Variants in SCAP observed in about 807,000 individuals in gnomAD.
SCAP encodes sterol regulatory element-binding protein cleavage-activating protein.
A neutral mutation model predicts 123.6 loss-of-function variants in SCAP; 65 were observed. The observed-to-expected ratio is 0.53, with a 90% CI of 0.43 to 0.65. The LOEUF (loss-of-function observed/expected upper bound fraction) is 0.65. SCAP is among the 30% of genes least tolerant of loss of function. SCAP has a pLI of 0.00. For synonymous variants in SCAP, 740 were observed against 726.3 expected (o/e 1.02, Z -0.30); for missense variants, 1,398 against 1,712.5 (o/e 0.82, Z 3.24).
At chr3:47,441,132 C>T (rs1706789333) in intron 2 of SCAP, among the ~76,000 whole-genome samples, 1 of 152,024 alleles carries the variant, frequency 6.6e-6, no homozygotes. Flanking sequence ...GATCGCCTGA[C>T]CTCGTGATCT....
At chr3:47,431,430 T>TGA (rs1179171084) in intron 3 of SCAP, among the ~76,000 whole-genome samples, 2 of 151,550 alleles carry the variant, frequency 1.3e-5, no homozygotes, top group African/African-American at 4.8e-5. Context: ...ATTCAGGTTT[T>TGA]CTAAGTTTTT....
In SCAP at chr3:47,427,029, A is replaced by G. The variant is rs1706163245; in HGVS notation, c.737+128T>C. The G allele has an allele frequency of 4.3e-6, 3 of 694,444 alleles. No individual in the cohort carries two copies. In the African/African-American group the frequency reaches 5.3e-5, roughly 12 times the overall value. 43.0% of individuals were successfully genotyped at this position (694,444 alleles called of 1,614,324 possible). ...CTAGTCTGAGGGATGTAAACATTCA[A>G]CAGGAGGCCTGGAAACTCTCCCAAG... On this transcript the variant is annotated intron_variant, in intron 6 of 22. Transcript: ENST00000265565.
intron 5 of SCAP, 65 bp downstream of exon 5, chr3:47,427,382 A>C (rs1406925239): frequency 6.4e-7 from 1 of 1,574,430 alleles, no homozygotes; most frequent in South Asian, 1.1e-5. Context: ...GCCTAAGCAC[A>C]CATCAAAAAG....
At chr3:47,470,236 T>C (rs1342100056) in intron 1 of SCAP, among the ~76,000 whole-genome samples, 2 of 152,170 alleles carry the variant, frequency 1.3e-5, no homozygotes, top group Non-Finnish European at 2.9e-5. Context: ...CATCATACAT[T>C]TAGGCCAATG....
intron 2 of SCAP, among the ~76,000 whole-genome samples, chr3:47,436,113 C>A (rs995020226): frequency 6.6e-6 from 1 of 152,050 alleles, no homozygotes; most frequent in Non-Finnish European, 1.5e-5. Flanking sequence ...AAAAAATCAC[C>A]TTGCCAAATT....
At chr3:47,460,381 GAAGTA>G (rs1194680089) in intron 1 of SCAP, among the ~76,000 whole-genome samples, 29 of 152,184 alleles carry the variant, frequency 1.9e-4, no homozygotes, top group Non-Finnish European at 1.5e-4. Context: ...TTCAGAGATT[GAAGTA>G]AAGACAGGTG....
intron 9 of SCAP, among the ~76,000 whole-genome samples, chr3:47,423,121 C>T (rs972512389): frequency 6.6e-6 from 1 of 152,234 alleles, no homozygotes; most frequent in Non-Finnish European, 1.5e-5. Flanking sequence ...ATCACAGAGG[C>T]TCACAGAGGT....
In SCAP at chr3:47,439,777, G is replaced by C. The variant is rs938488711; in HGVS notation, c.122+3095C>G. Among the ~76,000 whole-genome samples, 67 of 152,198 alleles carry C rather than the reference G, an allele frequency of 4.4e-4. 4 individuals are homozygous for C. Among genetic ancestry groups the C allele is most frequent in the Non-Finnish European group, 2.9e-5 (2 of 68,036 alleles). On this transcript the variant is annotated intron_variant, in intron 2 of 22. Transcript: ENST00000265565. The surrounding 1 kb of genome is among the most constrained non-coding windows in gnomAD (Gnocchi z 4.0). The stretch of plus-strand genomic sequence containing the variant: ...GAACAGTCACTGCACCCAGGGGCCA[G>C]GCAGGAAGAACAGCTAACTCTAGCT...
chr3:47,457,577 T>G (rs1015691341), intron 1 of SCAP, among the ~76,000 whole-genome samples: 3 of 152,222 alleles, frequency 2.0e-5, no homozygotes, highest in African/African-American at 7.2e-5. Context: ...AATGTTTTTC[T>G]GAAAGTTGTC....
rs747259009 is a variant in SCAP at position 47,414,296 on chromosome 3, G to C, written c.3478C>G (p.Arg1160Gly). 6.2e-7 allele frequency: 1 copy of C among 1,613,322 alleles called. No homozygotes were observed. Among genetic ancestry groups the C allele is most frequent in the Non-Finnish European group, 8.5e-7 (1 of 1,180,024 alleles). Reference sequence around the variant, plus strand: ...CAGGTAAGGGAGGTGACATCCCCACGGTGAGCAAACACATGGCTGACCCGG... The same window carrying C: ...CAGGTAAGGGAGGTGACATCCCCACCGTGAGCAAACACATGGCTGACCCGG... Reference protein sequence around the residue: ...GSRVSHVFAHRGDVTSLTCTT... With the variant: ...GSRVSHVFAHGGDVTSLTCTT... The change falls in exon 22 of 23, where the codon CGT becomes GGT. Residue 1160 changes from arginine to glycine, a missense_variant. This residue lies in a region of SCAP where 130 missense variants were observed against 166.7 expected (regional missense o/e 0.78). Coordinates refer to ENST00000265565, the MANE Select transcript of SCAP (RefSeq NM_012235.4).
Position 47,420,824 on chromosome 3 carries a change from G to C in SCAP, c.1345-52C>G. 1 of 1,550,608 alleles carries C rather than the reference G, an allele frequency of 6.4e-7. No homozygotes were observed. Among genetic ancestry groups the C allele is most frequent in the South Asian group, 1.2e-5 (1 of 85,790 alleles). On this transcript the variant is annotated intron_variant, in intron 11 of 22. Transcript: ENST00000265565. The surrounding 1 kb of genome is among the most constrained non-coding windows in gnomAD (Gnocchi z 5.0). ...TGAGTCCACCATCCAGAGGCTGCTC[G>C]CACAGGACCGCTGTCCTGCCCGAGG... is the stretch of plus-strand genomic sequence containing the variant.
At chr3:47,446,730 C>T (rs1707059152) in intron 1 of SCAP, among the ~76,000 whole-genome samples, 1 of 151,462 alleles carries the variant, frequency 6.6e-6, no homozygotes, top group African/African-American at 2.4e-5. Flanking sequence ...CACTTGAAAC[C>T]AGGAGTTTGA....
chr3:47,427,473 G>A lies in SCAP; in HGVS notation c.605C>T (p.Thr202Ile). Residue 202 changes from threonine to isoleucine, a missense_variant, in exon 5 of 23, where the codon ACC (threonine) becomes ATC (isoleucine). Coordinates refer to ENST00000265565, the MANE Select transcript of SCAP (RefSeq NM_012235.4). ...TTTGAGTGTGGCTGAAGTCTGCAGG[G>A]TTTTAGGCTCGTGCTGGTGGATGGT... ...IGTIHQHEPK[T>I]LQTSATLKDL... The A allele has an allele frequency of 6.2e-7, 1 of 1,614,208 alleles. No homozygotes were observed. Among genetic ancestry groups the A allele is most frequent in the South Asian group, 1.1e-5 (1 of 91,082 alleles).
intron 1 of SCAP, among the ~76,000 whole-genome samples, chr3:47,471,180 A>G (rs1441269084): frequency 6.6e-6 from 1 of 152,196 alleles, no homozygotes; most frequent in Non-Finnish European, 1.5e-5. Context: ...TACAAATTTT[A>G]GCAAAAATGA....
At chr3:47,460,591 C>T (rs1476137390) in intron 1 of SCAP, among the ~76,000 whole-genome samples, 1 of 152,054 alleles carries the variant, frequency 6.6e-6, no homozygotes, top group Non-Finnish European at 1.5e-5. Flanking sequence ...CTCACTCTGT[C>T]CCCCAGGCTG....
intron 8 of SCAP, 96 bp from the exon 9 acceptor site, chr3:47,424,141 G>A (rs1576262538): frequency 3.4e-6 from 3 of 880,592 alleles, no homozygotes; most frequent in East Asian, 5.2e-5. Context: ...GCCTGTCATG[G>A]GGGCTGCTGA....
chr3:47,445,570 G>A (rs985365968), intron 1 of SCAP, among the ~76,000 whole-genome samples: 2 of 149,352 alleles, frequency 1.3e-5, no homozygotes, highest in South Asian at 2.1e-4. Context: ...ACTTGGTCTC[G>A]AACTCCAACT....
intron 16 of SCAP, 104 bp downstream of exon 16, chr3:47,418,030 T>TGGGGGATACCTCGGAGGAAGAAAGGAG: frequency 3.3e-6 from 2 of 599,006 alleles, no homozygotes; most frequent in Non-Finnish European, 5.5e-6. Context: ...CTGGAGGGGT[T>TGGGGGATACCTCGGAGGAAGAAAGGAG]GGGGGATACC....
intron 2 of SCAP, among the ~76,000 whole-genome samples, chr3:47,438,818 C>CAAA (rs58162151): frequency 2.6e-5 from 3 of 117,504 alleles, no homozygotes; most frequent in African/African-American, 3.3e-5. Flanking sequence ...GACCCTGTCT[C>CAAA]AAAAAAAAAA....
Sources: allele counts gnomAD v4.1 joint callset (sites outside exome capture counted in the v4.1 genomes callset), GRCh38; gene constraint gnomAD v4.1.1; regional missense constraint gnomAD v4.1.1; non-coding constraint Gnocchi (gnomAD v3.1); transcripts MANE v1.5; gene names NCBI Gene and HGNC (gene_info 2026-07-23, HGNC 2026-07-21).